TARBP1: variants seen among roughly 807,000 people sequenced by gnomAD.
TARBP1 encodes tRNA guanosine 2 -O-methyltransferase TARBP1.
A neutral mutation model predicts 178.6 loss-of-function variants in TARBP1; 144 were observed. The observed-to-expected ratio is 0.81, with a 90% CI of 0.70 to 0.93. The LOEUF is 0.93. Among genes scored for constraint, TARBP1 ranks in the 40% least tolerant of loss-of-function variants. TARBP1 has a pLI of 0.00. For missense variants in TARBP1, 2,067 were observed against 2,011.7 expected, an observed-to-expected ratio of 1.03 and a Z score of -0.53; for synonymous variants, 787 against 781.0, an observed-to-expected ratio of 1.01 and a Z score of -0.13.
intron 9 of TARBP1, among the ~76,000 whole-genome samples, chr1:234,454,644 T>C (rs1463753043): frequency 6.6e-6 from 1 of 152,162 alleles, no homozygotes; most frequent in Non-Finnish European, 1.5e-5. Context: ...ACTGAAAAGA[T>C]GCCTGAACTT....
rs142529045 is a variant in TARBP1 at position 234,463,688 on chromosome 1, T to A, written c.1399+149A>T. 3,498 of 487,658 alleles carry A rather than the reference T, an allele frequency of 7.2e-3. 20 individuals are homozygous for A. Among genetic ancestry groups the A allele is most frequent in the Middle Eastern group, 0.013 (23 of 1,762 alleles). The allele number at this position is 487,658 out of a possible 1,614,324, so 30.2% of individuals were successfully genotyped here. A position where few individuals can be genotyped will look rare whatever the true frequency, so the allele number is the denominator to read the frequency against. On this transcript the variant is annotated intron_variant, in intron 6 of 29. Transcript: ENST00000040877. ...GTGTGTACTCAAAAAAGATACTGTA[T>A]AATTCTGAGAAAATATGCATATCCT...
At chr1:234,418,298 T>C in intron 21 of TARBP1, 65 bp from the exon 22 acceptor site, 3 of 1,397,742 alleles carry the variant, frequency 2.1e-6, no homozygotes, top group South Asian at 2.9e-5. Flanking sequence ...ATAGTCTCCA[T>C]TTAAAATAAA....
intron 3 of TARBP1, among the ~76,000 whole-genome samples, chr1:234,468,313 G>GCATGGTGATTT (rs979540366): frequency 2.0e-5 from 3 of 151,990 alleles, no homozygotes; most frequent in African/African-American, 7.3e-5. Flanking sequence ...AATCAGCCAG[G>GCATGGTGATTT]CATGGTGGTG....
chr1:234,438,385 A>G (rs1185548327), intron 12 of TARBP1, among the ~76,000 whole-genome samples: 7 of 152,258 alleles, frequency 4.6e-5, no homozygotes, highest in Non-Finnish European at 8.8e-5. Context: ...AAAATGCTTT[A>G]GCAAGCAATC....
Position 234,427,643 on chromosome 1 carries a change from C to G in TARBP1, c.3184G>C (p.Ala1062Pro). ...AGGATAAGTTCGCTATAATTTTTAG[C>G]ACTTGATAAAGATCCTTGGGACACA... ...SNVSQGSLSSAKNYSELILEA... is the reference protein window; with the variant it reads ...SNVSQGSLSSPKNYSELILEA... The change falls in exon 18 of 30, where the codon GCT (alanine) becomes CCT (proline). Residue 1062 changes from alanine (A) to proline (P), a missense_variant. Coordinates refer to ENST00000040877, the MANE Select transcript of TARBP1 (RefSeq NM_005646.4). 2 of 1,598,296 alleles carry G rather than the reference C, an allele frequency of 1.3e-6. No individual in the cohort carries two copies. Among genetic ancestry groups the G allele is most frequent in the Non-Finnish European group, 1.7e-6 (2 of 1,175,800 alleles).
chr1:234,437,750 T>G (rs1394469150), intron 12 of TARBP1, among the ~76,000 whole-genome samples: 2 of 152,204 alleles, frequency 1.3e-5, no homozygotes, highest in Non-Finnish European at 2.9e-5. Context: ...CTCCTCCCAA[T>G]TGTAACCAGA....
chr1:234,458,937 C>T (rs190234999), intron 8 of TARBP1, among the ~76,000 whole-genome samples: 53 of 152,272 alleles, frequency 3.5e-4, no homozygotes, highest in East Asian at 9.7e-4. Context: ...ATTCCAGACT[C>T]TCAGAAAGAA....
intron 9 of TARBP1, among the ~76,000 whole-genome samples, chr1:234,456,670 G>C (rs563637628): frequency 2.4e-4 from 37 of 152,258 alleles, no homozygotes; most frequent in African/African-American, 7.5e-4. Flanking sequence ...TCTATATTTA[G>C]AGAGATCATA....
At chr1:234,468,870 G>A (rs1273925667) in intron 3 of TARBP1, among the ~76,000 whole-genome samples, 2 of 151,648 alleles carry the variant, frequency 1.3e-5, no homozygotes, top group Non-Finnish European at 2.9e-5. Flanking sequence ...CATAAGACAG[G>A]CCTTCCCTGA....
Position 234,478,716 on chromosome 1 carries a change from C to A in TARBP1, c.388G>T (p.Ala130Ser). ...LAEEALRDLLAGWRAPGAEAA... is the reference protein window; with the variant it reads ...LAEEALRDLLSGWRAPGAEAA... ...TCGGCGCCAGGCGCGCGCCACCCGGCGAGCAGATCGCGCAGCGCCTCCTCA... is the reference window on the plus strand; with the variant it reads ...TCGGCGCCAGGCGCGCGCCACCCGGAGAGCAGATCGCGCAGCGCCTCCTCA... Residue 130 changes from alanine to serine, a missense_variant, in exon 1 of 30, where the codon GCC (alanine) becomes TCC (serine). Coordinates refer to ENST00000040877, the MANE Select transcript of TARBP1 (RefSeq NM_005646.4). 1 of 1,203,060 alleles carries A rather than the reference C, an allele frequency of 8.3e-7. No homozygotes were observed. Among genetic ancestry groups the A allele is most frequent in the Non-Finnish European group, 1.0e-6 (1 of 969,846 alleles). 74.5% of individuals were successfully genotyped at this position (1,203,060 alleles called of 1,614,324 possible). A position where few individuals can be genotyped will look rare whatever the true frequency, so the allele number is the denominator to read the frequency against.
chr1:234,396,683 A>C (rs773459787), intron 26 of TARBP1, among the ~76,000 whole-genome samples: 8 of 152,150 alleles, frequency 5.3e-5, no homozygotes, highest in Admixed American at 1.3e-4. Flanking sequence ...CAGAGGCCTG[A>C]CAAAAATTGC....
chr1:234,392,860 A>T, intron 28 of TARBP1: 2 of 175,792 alleles, frequency 1.1e-5, no homozygotes, highest in Non-Finnish European at 2.4e-5. Flanking sequence ...ACAGGCGCCC[A>T]CCACCACGCC....
intron 1 of TARBP1, among the ~76,000 whole-genome samples, chr1:234,475,825 A>G (rs947646994): frequency 2.0e-5 from 3 of 152,196 alleles, no homozygotes; most frequent in Non-Finnish European, 2.9e-5. Flanking sequence ...CTGGAGAAAA[A>G]CCTTTCGAGA....
chr1:234,436,225 CT>C lies in TARBP1; in HGVS notation c.2232+1049del, dbSNP rs553958184. 2.9e-3 allele frequency among the ~76,000 whole-genome samples: 434 copies of C among 152,224 alleles called. 1 individual carries two copies. Among genetic ancestry groups the C allele is most frequent in the Non-Finnish European group, 4.5e-3 (305 of 67,996 alleles). On this transcript the variant is annotated intron_variant, in intron 13 of 29. Coordinates refer to ENST00000040877, the MANE Select transcript of TARBP1 (RefSeq NM_005646.4). ...AGCATAAGGGAGGGTCATTAAACTT[CT>C]TTTGTATATGTTTGGAAATTTTCCA...
At chr1:234,396,690 T>C (rs1301030061) in intron 26 of TARBP1, among the ~76,000 whole-genome samples, 2 of 151,826 alleles carry the variant, frequency 1.3e-5, no homozygotes, top group Non-Finnish European at 1.5e-5. Flanking sequence ...CTGACAAAAA[T>C]TGCATTTTCC....
chr1:234,478,155 G>A lies in TARBP1; in HGVS notation c.931+18C>T, dbSNP rs951612713. 6.2e-7 allele frequency: 1 copy of A among 1,610,754 alleles called. No individual in the cohort carries two copies. Among genetic ancestry groups the A allele is most frequent in the Non-Finnish European group, 8.5e-7 (1 of 1,178,780 alleles). On this transcript the variant is annotated intron_variant, in intron 1 of 29. Coordinates refer to ENST00000040877, the MANE Select transcript of TARBP1 (RefSeq NM_005646.4). Reference sequence around the variant, plus strand: ...GCCAAGTAGGTAGCACTAGGCTGGGGGGCAAAGAGGCAGGTACCGTTTCCT... The same window carrying A: ...GCCAAGTAGGTAGCACTAGGCTGGGAGGCAAAGAGGCAGGTACCGTTTCCT...
chr1:234,476,259 G>A (rs1669559645), intron 1 of TARBP1, among the ~76,000 whole-genome samples: 1 of 152,092 alleles, frequency 6.6e-6, no homozygotes. Flanking sequence ...AGCATTTGAT[G>A]GAATTATCAG....
At chr1:234,418,883 T>C (rs922869117) in intron 21 of TARBP1, among the ~76,000 whole-genome samples, 2 of 152,134 alleles carry the variant, frequency 1.3e-5, no homozygotes, top group Admixed American at 1.3e-4. Flanking sequence ...ATAAAAGTAA[T>C]ATGTATTGGC....
In TARBP1 at chr1:234,478,446, A is replaced by C; in HGVS notation, c.658T>G (p.Ser220Ala). 1 of 1,388,060 alleles carries C rather than the reference A, an allele frequency of 7.2e-7. No individual in the cohort carries two copies. The highest frequency in any genetic ancestry group is 9.4e-7 in the Non-Finnish European group (1 of 1,067,090). The allele number at this position is 1,388,060 out of a possible 1,614,324, so 86.0% of individuals were successfully genotyped here. A position where few individuals can be genotyped will look rare whatever the true frequency, so the allele number is the denominator to read the frequency against. Residue 220 changes from serine to alanine, a missense_variant, in exon 1 of 30, where the codon TCC (serine) becomes GCC (alanine). Physicochemically the swap from Ser to Ala is moderately conservative, Grantham distance 99. Transcript: ENST00000040877. ...TCCTCTACGCGGCCGGACCCCAGGG[A>C]CGCCCCAGGCGCGGCCAGCCCGCCC... ...VWGGLAAPGA[S>A]LGSGRVEEKL... is the part of the protein sequence containing the mutation.
Sources: gnomAD v4.1 joint callset for allele counts (sites outside exome capture counted in the v4.1 genomes callset) on GRCh38, gnomAD v4.1.1 for gene constraint, MANE v1.5 for transcripts, NCBI Gene and HGNC (gene_info 2026-07-23, HGNC 2026-07-21) for gene names.